MED12L: variants seen among roughly 807,000 people sequenced by gnomAD.
The protein encoded by MED12L is mediator of RNA polymerase II transcription subunit 12-like protein.
MED12L carries 60 observed loss-of-function variants against 281.3 expected under a neutral mutation model. That is an observed-to-expected ratio of 0.21 (90% CI 0.17 to 0.26). MED12L has a LOEUF of 0.26. Among genes scored for constraint, MED12L ranks in the 10% least tolerant of loss-of-function variants. The pLI, the probability that MED12L is intolerant of heterozygous loss-of-function variation, is 1.00. For synonymous variants in MED12L, 974 were observed against 987.2 expected (o/e 0.99, Z 0.25); for missense variants, 2,146 against 2,680.9 (o/e 0.80, Z 4.41).
chr3:151,238,812 A>G (rs1467918914), intron 16 of MED12L, among the ~76,000 whole-genome samples: 2 of 152,244 alleles, frequency 1.3e-5, no homozygotes, highest in Non-Finnish European at 2.9e-5. Context: ...TTATGTATAA[A>G]GTACATTTGC....
At chr3:151,128,258 C>T (rs774353571) in intron 5 of MED12L, among the ~76,000 whole-genome samples, 3 of 152,184 alleles carry the variant, frequency 2.0e-5, no homozygotes, top group South Asian at 2.1e-4. Flanking sequence ...TTCAAGCCAC[C>T]GACATCTCTT....
chr3:151,376,714 T>C (rs1386930914), intron 28 of MED12L, 86 bp from the exon 29 acceptor site: 2 of 1,113,334 alleles, frequency 1.8e-6, no homozygotes, highest in Non-Finnish European at 2.7e-6. Flanking sequence ...TTCTGCTCTT[T>C]CTTGAGAGAA....
intron 39 of MED12L, among the ~76,000 whole-genome samples, chr3:151,405,861 C>CT (rs1180134047): frequency 2.0e-5 from 3 of 152,158 alleles, no homozygotes; most frequent in African/African-American, 7.2e-5. Flanking sequence ...AAAGATGGAG[C>CT]TGACAACTGT....
intron 16 of MED12L, among the ~76,000 whole-genome samples, chr3:151,293,325 T>G (rs991883015): frequency 1.3e-4 from 20 of 152,220 alleles, no homozygotes; most frequent in Admixed American, 1.0e-3. Flanking sequence ...CCATAACGTC[T>G]TCTTTTAGTC....
intron 27 of MED12L, 102 bp downstream of exon 27, chr3:151,372,868 T>C (rs1756364832): frequency 1.1e-5 from 9 of 792,438 alleles, no homozygotes; most frequent in Non-Finnish European, 1.8e-5. Flanking sequence ...GGCCTTTTTT[T>C]CTTGCTCACT....
intron 5 of MED12L, among the ~76,000 whole-genome samples, chr3:151,134,711 C>G (rs758395824): frequency 1.1e-4 from 17 of 152,070 alleles, no homozygotes; most frequent in Non-Finnish European, 1.0e-4. Context: ...GAGACGCTTC[C>G]TAGGAGGACA....
rs778531316 is a variant in MED12L, at chr3:151,409,230, C to G, written c.5821-13C>G. 2 of 1,579,066 alleles carry G rather than the reference C, an allele frequency of 1.3e-6. No individual in the cohort carries two copies. Among genetic ancestry groups the G allele is most frequent in the African/African-American group, 1.4e-5 (1 of 72,648 alleles). On this transcript the variant is annotated splice_polypyrimidine_tract_variant and intron_variant, in intron 39 of 44. Coordinates refer to ENST00000687756, the MANE Select transcript of MED12L (RefSeq NM_001393769.1). ...TGTTATGATCAAGAGTTTGCTTTGG[C>G]TTTGTTTTCCAGGGCCAGCCGGGGG...
At position 151,431,017 on chromosome 3, in the gene MED12L, A is replaced by G. The variant is rs535773047; in HGVS notation, c.6490+637A>G. 9.2e-5 allele frequency among the ~76,000 whole-genome samples: 14 copies of G among 152,182 alleles called. 1 individual carries two copies. The highest frequency in any genetic ancestry group is 1.7e-4 in the African/African-American group (7 of 41,528). Reference sequence around the variant, plus strand: ...GCCCATTTCATCATACCTCATCTCAATGCCAGCAGTGTGCTCCCATGAATT... The same window carrying G: ...GCCCATTTCATCATACCTCATCTCAGTGCCAGCAGTGTGCTCCCATGAATT... On this transcript the variant is annotated intron_variant, in intron 44 of 44. Transcript: ENST00000687756.
chr3:151,239,645 A>G (rs1256240686), intron 16 of MED12L, among the ~76,000 whole-genome samples: 2 of 152,224 alleles, frequency 1.3e-5, no homozygotes, highest in Admixed American at 1.3e-4. Flanking sequence ...ATGGATAGGT[A>G]TACACAAAAG....
intron 11 of MED12L, 68 bp from the exon 12 acceptor site, chr3:151,185,262 G>T: frequency 6.6e-7 from 1 of 1,524,170 alleles, no homozygotes; most frequent in African/African-American, 1.4e-5. Flanking sequence ...TCCCTTGCTT[G>T]CTTCCTGCCT....
chr3:151,103,998 T>A (rs1456198084), intron 2 of MED12L, among the ~76,000 whole-genome samples: 1 of 152,330 alleles, frequency 6.6e-6, no homozygotes, highest in East Asian at 1.9e-4. Context: ...GGGAGTGGTA[T>A]TATTACCATG....
intron 16 of MED12L, chr3:151,278,339 C>G (rs1053708780): frequency 2.0e-5 from 3 of 151,690 alleles, no homozygotes; most frequent in Non-Finnish European, 4.4e-5. Flanking sequence ...TTTGAAATAC[C>G]TCTCATTGTA....
intron 16 of MED12L, among the ~76,000 whole-genome samples, chr3:151,332,949 A>G (rs189093244): frequency 6.2e-4 from 94 of 152,208 alleles, no homozygotes; most frequent in African/African-American, 2.0e-3. Flanking sequence ...CTTTGTGTCC[A>G]TATGAATTCA....
intron 11 of MED12L, among the ~76,000 whole-genome samples, chr3:151,169,112 T>TA (rs1721090494): frequency 6.8e-6 from 1 of 146,706 alleles, no homozygotes; most frequent in Non-Finnish European, 1.5e-5. Context: ...CTTTGTTTTT[T>TA]TTTTTTTTTG....
intron 31 of MED12L, among the ~76,000 whole-genome samples, chr3:151,379,862 C>T (rs1711932217): frequency 6.6e-6 from 1 of 152,180 alleles, no homozygotes; most frequent in Non-Finnish European, 1.5e-5. Flanking sequence ...GCCCGGCATG[C>T]TCACATGCAG....
In MED12L at chr3:151,222,623, C is replaced by T. The variant is rs1293404726; in HGVS notation, c.2250+28957C>T. 3.3e-5 allele frequency among the ~76,000 whole-genome samples: 5 copies of T among 152,226 alleles called. No individual in the cohort carries two copies. In the South Asian group the frequency reaches 6.2e-4, roughly 19 times the overall value. ...TGCTCCACCATGATTGTGAAGCCTCCTCAGCCATGTGAAACTATAAGTCCA... is the reference window on the plus strand; with the variant it reads ...TGCTCCACCATGATTGTGAAGCCTCTTCAGCCATGTGAAACTATAAGTCCA... On this transcript the variant is annotated intron_variant, in intron 16 of 44. Transcript: ENST00000687756.
At chr3:151,285,517 T>C (rs964026616) in intron 16 of MED12L, among the ~76,000 whole-genome samples, 1 of 150,422 alleles carries the variant, frequency 6.6e-6, no homozygotes, top group Admixed American at 6.6e-5. Flanking sequence ...AATACAGTGG[T>C]CTTTGGGCAC....
chr3:151,141,191 T>G (rs1200992347), intron 5 of MED12L, among the ~76,000 whole-genome samples: 1 of 143,294 alleles, frequency 7.0e-6, no homozygotes, highest in Non-Finnish European at 1.5e-5. Context: ...TTTTTTGTTT[T>G]TTTTTTTTTG....
At chr3:151,181,670 C>T (rs569021568) in intron 11 of MED12L, among the ~76,000 whole-genome samples, 45 of 148,942 alleles carry the variant, frequency 3.0e-4, no homozygotes, top group African/African-American at 9.9e-4. Flanking sequence ...ACTGCAGCCT[C>T]GGCTTCCTGG....
Sources: allele counts gnomAD v4.1 joint callset (sites outside exome capture counted in the v4.1 genomes callset), GRCh38; gene constraint gnomAD v4.1.1; transcripts MANE v1.5; gene names NCBI Gene and HGNC (gene_info 2026-07-23, HGNC 2026-07-21).